Variants in MAML3 observed in about 807,000 individuals in gnomAD.
The protein encoded by MAML3 is mastermind-like protein 3.
MAML3 carries 27 observed loss-of-function variants against 101.9 expected under a neutral mutation model. That is an observed-to-expected ratio of 0.27 (90% CI 0.20 to 0.37). The LOEUF (loss-of-function observed/expected upper bound fraction) is 0.37, where lower values mean the gene tolerates loss of function less well. Ranked by LOEUF, MAML3 falls within the 10% of genes least tolerant of loss-of-function variation. The pLI, the probability that MAML3 is intolerant of heterozygous loss-of-function variation, is 1.00. For missense variants in MAML3, 1,316 were observed against 1,444.9 expected (o/e 0.91, Z 1.45); for synonymous variants, 501 against 555.9 (o/e 0.90, Z 1.39).
intron 1 of MAML3, among the ~76,000 whole-genome samples, chr4:139,982,552 T>C (rs1734462385): frequency 6.6e-6 from 1 of 152,210 alleles, no homozygotes; most frequent in Non-Finnish European, 1.5e-5. Context: ...TATACATGAA[T>C]GCTAACCTAC....
intron 1 of MAML3, among the ~76,000 whole-genome samples, chr4:140,090,638 C>G (rs899621253): frequency 3.9e-5 from 6 of 152,230 alleles, no homozygotes; most frequent in Non-Finnish European, 7.3e-5. Context: ...CAGTCTAACT[C>G]TTACCACAAA....
chr4:139,850,915 A>G (rs945430207), intron 2 of MAML3, among the ~76,000 whole-genome samples: 23 of 147,452 alleles, frequency 1.6e-4, no homozygotes, highest in African/African-American at 4.3e-4. Context: ...AAAAAAAAAA[A>G]AGAGAGAGAG....
intron 1 of MAML3, among the ~76,000 whole-genome samples, chr4:139,915,702 G>A (rs988383709): frequency 1.2e-4 from 19 of 152,222 alleles, no homozygotes; most frequent in African/African-American, 3.6e-4. Context: ...GCGGGGGGGC[G>A]GGGATCCTCT....
At chr4:140,014,570 C>T (rs2110865763) in intron 1 of MAML3, among the ~76,000 whole-genome samples, 1 of 152,296 alleles carries the variant, frequency 6.6e-6, no homozygotes, top group East Asian at 1.9e-4. Context: ...ATGATACCTG[C>T]CTTCATGGTG....
At chr4:139,725,448 C>T (rs1441890984) in intron 4 of MAML3, among the ~76,000 whole-genome samples, 2 of 152,128 alleles carry the variant, frequency 1.3e-5, no homozygotes, top group Non-Finnish European at 2.9e-5. Flanking sequence ...TAAACTATTA[C>T]AATACTATGT....
At chr4:140,058,456 C>T (rs752800360) in intron 1 of MAML3, among the ~76,000 whole-genome samples, 4 of 151,722 alleles carry the variant, frequency 2.6e-5, no homozygotes, top group African/African-American at 7.3e-5. Flanking sequence ...GAGAACCTAA[C>T]ATTTGATGTA....
intron 1 of MAML3, among the ~76,000 whole-genome samples, chr4:140,070,904 C>T (rs189779219): frequency 8.5e-5 from 13 of 152,334 alleles, no homozygotes; most frequent in Admixed American, 6.5e-4. Context: ...AGGGGAACCT[C>T]CTCTGTGCTA....
intron 1 of MAML3, among the ~76,000 whole-genome samples, chr4:139,944,191 T>TA (rs1733661890): frequency 6.6e-6 from 1 of 152,038 alleles, no homozygotes; most frequent in African/African-American, 2.4e-5. Flanking sequence ...TTTTTTTTTT[T>TA]ATTATACTTT....
chr4:140,074,432 T>C (rs77840948), intron 1 of MAML3, among the ~76,000 whole-genome samples: 193 of 152,226 alleles, frequency 1.3e-3, no homozygotes, highest in African/African-American at 4.3e-3. Context: ...GCAACAGTCA[T>C]ACAGGTTGAA....
intron 1 of MAML3, among the ~76,000 whole-genome samples, chr4:140,008,115 T>C (rs1726487269): frequency 6.6e-6 from 1 of 152,158 alleles, no homozygotes; most frequent in African/African-American, 2.4e-5. Context: ...GAGGCCAAGG[T>C]GGGCAGACCA....
At chr4:139,944,211 G>A (rs1231021098) in intron 1 of MAML3, among the ~76,000 whole-genome samples, 1 of 151,880 alleles carries the variant, frequency 6.6e-6, no homozygotes, top group Non-Finnish European at 1.5e-5. Context: ...TAAGTTTTAA[G>A]GTACATGTGC....
chr4:139,941,927 A>T (rs1252030879), intron 1 of MAML3, among the ~76,000 whole-genome samples: 1 of 152,166 alleles, frequency 6.6e-6, no homozygotes, highest in East Asian at 1.9e-4. Context: ...AGAGGTCAGG[A>T]GTTCAAGACC....
intron 1 of MAML3, among the ~76,000 whole-genome samples, chr4:140,116,434 G>T (rs1031299331): frequency 1.3e-5 from 2 of 152,168 alleles, no homozygotes; most frequent in African/African-American, 2.4e-5. Context: ...CATGTTCAGG[G>T]CTATTGCCAA....
chr4:140,015,679 T>A (rs745774444), intron 1 of MAML3, among the ~76,000 whole-genome samples: 3 of 152,158 alleles, frequency 2.0e-5, no homozygotes, highest in Non-Finnish European at 2.9e-5. Context: ...ATGGGCCAGG[T>A]GTGGTGGCTT....
rs147686945 is a variant in MAML3 at position 139,890,425 on chromosome 4, C to T, written c.1011G>A (p.Lys337=). 133 of 1,607,528 alleles carry T rather than the reference C, an allele frequency of 8.3e-5. No homozygotes were observed. The African/African-American group carries it at 1.7e-3, about 20-fold the overall frequency. The part of the protein sequence containing the change: ...DLFNEDFEEK[K]EPEFSQPATE... Reference sequence around the variant, plus strand: ...TTGCTGGCTGCGAGAATTCTGGCTCCTTCTTCTCTTCAAAGTCTTCGTTGA... The same window carrying T: ...TTGCTGGCTGCGAGAATTCTGGCTCTTTCTTCTCTTCAAAGTCTTCGTTGA... Residue 337 remains lysine (K), a synonymous_variant, in exon 2 of 5, where the codon AAG becomes AAA. Transcript: ENST00000509479. The surrounding 1 kb of genome is among the most constrained non-coding windows in gnomAD (Gnocchi z 4.1).
At chr4:140,006,264 T>C (rs1726443822) in intron 1 of MAML3, among the ~76,000 whole-genome samples, 1 of 152,082 alleles carries the variant, frequency 6.6e-6, no homozygotes, top group South Asian at 2.1e-4. Flanking sequence ...TCCCCTCTCC[T>C]GGTTGGTATT....
chr4:140,055,238 TA>T (rs956095627), intron 1 of MAML3, among the ~76,000 whole-genome samples: 5 of 151,546 alleles, frequency 3.3e-5, no homozygotes, highest in African/African-American at 7.3e-5. Flanking sequence ...ACACAGATAA[TA>T]AAAAAAAACC....
At chr4:140,080,762 C>A (rs967798266) in intron 1 of MAML3, among the ~76,000 whole-genome samples, 2 of 152,194 alleles carry the variant, frequency 1.3e-5, no homozygotes, top group Admixed American at 6.5e-5. Context: ...TGAAAAAAGG[C>A]AGCAATGATG....
At position 140,060,365 on chromosome 4, in the gene MAML3, C is replaced by CAAAAAAAAAAAAAAAAAAAAAA. The variant is rs70943471; in HGVS notation, c.468+92494_468+92495insTTTTTTTTTTTTTTTTTTTTTT. ...TGGGCGACAGAGTAAGACTCTGTCT[C>CAAAAAAAAAAAAAAAAAAAAAA]AAAAAAAAAAAAAAAAAAAAGTCAC... On this transcript the variant is annotated intron_variant, in intron 1 of 4. Transcript: ENST00000509479. 1.2e-3 allele frequency among the ~76,000 whole-genome samples: 22 copies of CAAAAAAAAAAAAAAAAAAAAAA among 19,118 alleles called. 9 individuals carry two copies. The highest frequency in any genetic ancestry group is 2.5e-3 in the Admixed American group (2 of 808). 12.5% of individuals were successfully genotyped at this position (19,118 alleles called of 152,430 possible). A position where few individuals can be genotyped will look rare whatever the true frequency, so the allele number is the denominator to read the frequency against.
Sources: allele counts gnomAD v4.1 joint callset (sites outside exome capture counted in the v4.1 genomes callset), GRCh38; gene constraint gnomAD v4.1.1; non-coding constraint Gnocchi (gnomAD v3.1); transcripts MANE v1.5; gene names NCBI Gene and HGNC (gene_info 2026-07-23, HGNC 2026-07-21).